WDR19: variants seen among roughly 807,000 people sequenced by gnomAD.
WDR19 encodes the protein WD repeat-containing protein 19.
WDR19 carries 121 observed loss-of-function variants against 180.0 expected under a neutral mutation model. That is an observed-to-expected ratio of 0.67 (90% confidence interval 0.58 to 0.78). The LOEUF (loss-of-function observed/expected upper bound fraction) is 0.78, where lower values mean the gene tolerates loss of function less well. Ranked by LOEUF, WDR19 falls within the 30% of genes least tolerant of loss-of-function variation. The probability of loss-of-function intolerance (pLI) is 0.00; values close to 1 mark genes in which losing one functional copy is unlikely to be tolerated. For synonymous variants in WDR19, 497 were observed against 540.7 expected (o/e 0.92, Z 1.12); for missense variants, 1,450 against 1,640.7 (o/e 0.88, Z 2.01).
chr4:39,283,582 T>C (rs1322850038), intron 36 of WDR19, among the ~76,000 whole-genome samples: 1 of 152,148 alleles, frequency 6.6e-6, no homozygotes, highest in Non-Finnish European at 1.5e-5. Flanking sequence ...TTGTACTTGA[T>C]TAATATCCTA....
chr4:39,189,807 A>C (rs1366269777), intron 4 of WDR19, 26 bp downstream of exon 4: 1 of 1,583,942 alleles, frequency 6.3e-7, no homozygotes, highest in Non-Finnish European at 8.5e-7. Context: ...AATTTTTTAA[A>C]GCTTCACTTA....
Position 39,228,323 on chromosome 4 carries a change from G to A in WDR19, c.1743G>A (p.Val581=), listed in dbSNP as rs770007085. Residue 581 remains valine (V), a synonymous_variant, in exon 16 of 37, where the codon GTG becomes GTA. Transcript: ENST00000399820. ...GVFIAYDDDK[V]YTYVFHKDTI... is the part of the protein sequence containing the mutation. ...TTATTGCTTATGATGATGATAAGGT[G>A]TACACTTATGTCTTTCACAAGGACA... is the stretch of plus-strand genomic sequence containing the variant. The A allele has an allele frequency of 3.7e-6, 6 of 1,612,114 alleles. No homozygotes were observed. Among genetic ancestry groups the A allele is most frequent in the Non-Finnish European group, 5.1e-6 (6 of 1,178,592 alleles).
chr4:39,244,615 C>T, intron 23 of WDR19, 63 bp downstream of exon 23: 4 of 1,569,722 alleles, frequency 2.5e-6, no homozygotes, highest in Middle Eastern at 1.7e-4. Context: ...CTGGGGTCTC[C>T]CCACTTGCCT....
chr4:39,231,112 C>T, intron 17 of WDR19, among the ~76,000 whole-genome samples: 1 of 152,044 alleles, frequency 6.6e-6, no homozygotes, highest in East Asian at 1.9e-4. Flanking sequence ...CAGATCAAGA[C>T]CATCCTGGCT....
intron 36 of WDR19, among the ~76,000 whole-genome samples, chr4:39,284,388 G>C (rs1736931913): frequency 6.9e-6 from 1 of 144,618 alleles, no homozygotes; most frequent in South Asian, 2.2e-4. Flanking sequence ...GCCTGGGCTG[G>C]GGTGCAGTGC....
chr4:39,204,753 G>A (rs1484202895), intron 7 of WDR19, among the ~76,000 whole-genome samples: 2 of 152,208 alleles, frequency 1.3e-5, no homozygotes, highest in African/African-American at 4.8e-5. Flanking sequence ...CCACAGGAGT[G>A]TGGACCTATA....
intron 4 of WDR19, among the ~76,000 whole-genome samples, chr4:39,193,741 G>A (rs924322947): frequency 3.3e-5 from 5 of 152,160 alleles, no homozygotes; most frequent in African/African-American, 9.7e-5. Context: ...GTCTGTCAGC[G>A]GTGCTGAAAG....
intron 36 of WDR19, among the ~76,000 whole-genome samples, chr4:39,283,687 A>G (rs1197940648): frequency 6.6e-6 from 1 of 152,164 alleles, no homozygotes; most frequent in Non-Finnish European, 1.5e-5. Context: ...GTCTTTTTAA[A>G]GGAAATTATA....
chr4:39,226,005 G>A (rs981618065), intron 15 of WDR19, among the ~76,000 whole-genome samples: 11 of 152,290 alleles, frequency 7.2e-5, no homozygotes, highest in South Asian at 2.1e-4. Flanking sequence ...CATAAATGAA[G>A]ATAAACCTCG....
At chr4:39,212,134 A>T (rs572449919) in intron 9 of WDR19, among the ~76,000 whole-genome samples, 27 of 152,252 alleles carry the variant, frequency 1.8e-4, no homozygotes, top group Non-Finnish European at 3.8e-4. Flanking sequence ...AGGAAAAGAC[A>T]TATCAATCAA....
At chr4:39,225,096 T>A in intron 15 of WDR19, 63 bp downstream of exon 15, 1 of 1,355,600 alleles carries the variant, frequency 7.4e-7, no homozygotes, top group Non-Finnish European at 9.7e-7. Flanking sequence ...AAAAAGTGTT[T>A]AAAGCCTATC....
At chr4:39,226,941 T>A (rs1314697491) in intron 15 of WDR19, among the ~76,000 whole-genome samples, 4 of 152,222 alleles carry the variant, frequency 2.6e-5, no homozygotes, top group Admixed American at 2.6e-4. Flanking sequence ...AAAGCGTTCC[T>A]CTTTCTCCTC....
Position 39,266,060 on chromosome 4 carries a change from C to T in WDR19, c.3184-3C>T, listed in dbSNP as rs750130004. The stretch of plus-strand genomic sequence containing the variant: ...TGCTGGGTTTTTCTCTCTTATTAAA[C>T]AGGTTGGTCAGGCCAAAGATGAACT... On this transcript the variant is annotated splice_polypyrimidine_tract_variant and splice_region_variant and intron_variant, in intron 28 of 36. Coordinates refer to ENST00000399820, the MANE Select transcript of WDR19 (RefSeq NM_025132.4). 1.9e-5 allele frequency: 29 copies of T among 1,553,232 alleles called. No individual in the cohort carries two copies. In the South Asian group the frequency reaches 3.2e-4, roughly 17 times the overall value.
chr4:39,183,912 G>A (rs1193592094), intron 1 of WDR19, among the ~76,000 whole-genome samples: 1 of 152,228 alleles, frequency 6.6e-6, no homozygotes, highest in African/African-American at 2.4e-5. Context: ...GTCAGCCATT[G>A]AAGGTAATGA....
At chr4:39,254,063 G>A in intron 26 of WDR19, 33 bp downstream of exon 26, 1 of 1,592,058 alleles carries the variant, frequency 6.3e-7, no homozygotes, top group Non-Finnish European at 8.6e-7. Flanking sequence ...TTCTCTTCAA[G>A]ATGTTTATCA....
chr4:39,253,493 G>T (rs1253213079), intron 25 of WDR19, among the ~76,000 whole-genome samples: 1 of 151,882 alleles, frequency 6.6e-6, no homozygotes, highest in Non-Finnish European at 1.5e-5. Flanking sequence ...ATATAGAACT[G>T]CATGCTGGGC....
Position 39,185,782 on chromosome 4 carries a change from G to A in WDR19, c.63G>A (p.Trp21Ter), listed in dbSNP as rs545407291. 2 of 1,557,200 alleles carry A rather than the reference G, an allele frequency of 1.3e-6. No individual in the cohort carries two copies. The highest frequency in any genetic ancestry group is 1.9e-5 in the Admixed American group (1 of 51,898). ...TTGGCGCACCAATACAGTTTGCCTG[G>A]CAAAAAACATCAGGAAACTACCTTG... is the stretch of plus-strand genomic sequence containing the variant. The part of the protein sequence containing the change: ...TWLGAPIQFA[W>*]QKTSGNYLAV... The change falls in exon 2 of 37, where the codon TGG (tryptophan) becomes TGA (stop). Residue 21 changes from tryptophan to a stop codon, truncating the protein, a stop_gained. Transcript: ENST00000399820. LOFTEE classifies it high-confidence loss of function.
chr4:39,214,773 A>AT (rs372720511), intron 10 of WDR19, 102 bp downstream of exon 10: 43,470 of 500,996 alleles, frequency 0.087, 106 homozygotes, highest in East Asian at 0.1. Flanking sequence ...AGGAGGAATA[A>AT]TTTTTTTTTT....
chr4:39,189,338 G>A (rs904842011), intron 3 of WDR19, among the ~76,000 whole-genome samples: 1 of 152,090 alleles, frequency 6.6e-6, no homozygotes, highest in Non-Finnish European at 1.5e-5. Context: ...GTAAAGGTGC[G>A]TGGCGAGTTT....
Sources: gnomAD v4.1 joint callset for allele counts (sites outside exome capture counted in the v4.1 genomes callset) on GRCh38, gnomAD v4.1.1 for gene constraint, MANE v1.5 for transcripts, NCBI Gene and HGNC (gene_info 2026-07-23, HGNC 2026-07-21) for gene names.